Variants in THEMIS observed in about 807,000 individuals in gnomAD.
THEMIS encodes the protein thymocyte selection associated.
Under a neutral mutation model 52.6 loss-of-function variants are expected in THEMIS, and 37 were observed. The observed-to-expected ratio is 0.70, with a 90% CI of 0.54 to 0.93. THEMIS has a LOEUF of 0.93. Among genes scored for constraint, THEMIS ranks in the 40% least tolerant of loss-of-function variants. THEMIS has a pLI of 0.00. For missense variants in THEMIS, 808 were observed against 763.1 expected, an observed-to-expected ratio of 1.06 and a Z score of -0.69; for synonymous variants, 292 against 272.7, an observed-to-expected ratio of 1.07 and a Z score of -0.70.
At chr6:127,876,368 G>A (rs1780313605) in intron 1 of THEMIS, among the ~76,000 whole-genome samples, 1 of 152,184 alleles carries the variant, frequency 6.6e-6, no homozygotes, top group Admixed American at 6.5e-5. Flanking sequence ...ATTCATTGAT[G>A]CAGAAAAATA....
At chr6:127,820,048 T>A (rs1372987299) in intron 3 of THEMIS, among the ~76,000 whole-genome samples, 10 of 152,104 alleles carry the variant, frequency 6.6e-5, no homozygotes, top group Admixed American at 6.5e-4. Flanking sequence ...TCTTATAAGG[T>A]AACTGCAGTA....
chr6:127,798,652 C>T (rs1777413271), intron 4 of THEMIS, among the ~76,000 whole-genome samples: 1 of 152,086 alleles, frequency 6.6e-6, no homozygotes, highest in Admixed American at 6.6e-5. Flanking sequence ...TGTTAGTGAG[C>T]CCCCAATAAA....
intron 4 of THEMIS, among the ~76,000 whole-genome samples, chr6:127,774,007 G>A (rs1003414013): frequency 1.3e-5 from 2 of 152,176 alleles, no homozygotes; most frequent in Admixed American, 6.5e-5. Context: ...AACTGGGTCT[G>A]CTATATCCAA....
intron 2 of THEMIS, among the ~76,000 whole-genome samples, chr6:127,850,111 C>T (rs542801317): frequency 6.6e-6 from 1 of 151,886 alleles, no homozygotes; most frequent in Admixed American, 6.6e-5. Flanking sequence ...AGACTATACA[C>T]ATATGAACAA....
At chr6:127,733,750 TAAGAC>T (rs1368702524) in intron 4 of THEMIS, among the ~76,000 whole-genome samples, 13 of 152,018 alleles carry the variant, frequency 8.6e-5, no homozygotes, top group Admixed American at 8.5e-4. Context: ...CTCAGGAAAA[TAAGAC>T]AGAAGAACGT....
chr6:127,909,263 C>T (rs181266789), intron 1 of THEMIS, among the ~76,000 whole-genome samples: 60 of 152,106 alleles, frequency 3.9e-4, no homozygotes, highest in African/African-American at 1.3e-3. Context: ...GGAAGTTACT[C>T]GGTGATATGG....
At chr6:127,904,061 T>A (rs1003650673), upstream of THEMIS, among the ~76,000 whole-genome samples, 2 of 151,754 alleles carry the variant, frequency 1.3e-5, no homozygotes, top group Non-Finnish European at 2.9e-5. Context: ...CAAGAGAGAG[T>A]CTGAGAAGGC....
At chr6:127,899,863 C>A in intron 1 of THEMIS, among the ~76,000 whole-genome samples, 1 of 147,138 alleles carries the variant, frequency 6.8e-6, no homozygotes, top group Non-Finnish European at 1.5e-5. Context: ...TGATAACAGC[C>A]CATATCAATT....
downstream of THEMIS, among the ~76,000 whole-genome samples, chr6:127,706,729 G>T (rs968848885): frequency 4.6e-5 from 7 of 151,956 alleles, no homozygotes; most frequent in African/African-American, 1.7e-4. Context: ...TTTGAGATAG[G>T]GTGGCCAGAG....
intron 4 of THEMIS, among the ~76,000 whole-genome samples, chr6:127,727,042 T>C (rs1774572657): frequency 6.6e-6 from 1 of 152,222 alleles, no homozygotes; most frequent in Admixed American, 6.6e-5. Context: ...TGGACAATCA[T>C]GCAAAATAAT....
chr6:127,856,907 A>C (rs1237058533), intron 1 of THEMIS, among the ~76,000 whole-genome samples: 2 of 151,922 alleles, frequency 1.3e-5, no homozygotes, highest in Non-Finnish European at 2.9e-5. Context: ...ACATACTAAC[A>C]TTTTATATCT....
At chr6:127,815,412 T>A (rs563938563) in intron 3 of THEMIS, among the ~76,000 whole-genome samples, 26 of 152,260 alleles carry the variant, frequency 1.7e-4, no homozygotes, top group African/African-American at 6.3e-4. Context: ...TATTATTAAC[T>A]GTTTATGCAG....
At chr6:127,806,950 A>G (rs552311753) in intron 4 of THEMIS, among the ~76,000 whole-genome samples, 94 of 152,278 alleles carry the variant, frequency 6.2e-4, no homozygotes, top group African/African-American at 2.2e-3. Context: ...TCACTTCTTT[A>G]GTTGTCTGTT....
At chr6:127,751,757 C>T (rs192644600) in intron 4 of THEMIS, among the ~76,000 whole-genome samples, 70 of 151,728 alleles carry the variant, frequency 4.6e-4, no homozygotes, top group Admixed American at 2.2e-3. Context: ...TGTTAGGGGA[C>T]TCTAATACTG....
At chr6:127,827,071 C>T (rs1778533916) in intron 3 of THEMIS, among the ~76,000 whole-genome samples, 1 of 151,684 alleles carries the variant, frequency 6.6e-6, no homozygotes, top group Non-Finnish European at 1.5e-5. Context: ...CCCTGTAGTT[C>T]TCAGTATTTT....
chr6:127,818,155 A>T lies in THEMIS; in HGVS notation c.710-4224T>A, dbSNP rs542368198. Among the ~76,000 whole-genome samples the T allele has an allele frequency of 2.6e-5, 4 of 152,312 alleles. No individual in the cohort carries two copies. The East Asian group carries it at 7.7e-4, about 29-fold the overall frequency. ...TCCAACCTTCTCTGTACTTCTACAT[A>T]AAGGAAAGGGAACACCCAACTCAAG... is the stretch of plus-strand genomic sequence containing the variant. On this transcript the variant is annotated intron_variant, in intron 3 of 5. Transcript: ENST00000368248.
At chr6:127,839,544 C>T (rs573767816) in intron 2 of THEMIS, among the ~76,000 whole-genome samples, 29 of 151,930 alleles carry the variant, frequency 1.9e-4, no homozygotes, top group African/African-American at 7.0e-4. Context: ...TTGCTTTCAC[C>T]CAGGCTGGAG....
At chr6:127,906,449 T>A (rs545320016) in intron 1 of THEMIS, among the ~76,000 whole-genome samples, 1 of 152,120 alleles carries the variant, frequency 6.6e-6, no homozygotes, top group East Asian at 1.9e-4. Context: ...ATACTGTTAA[T>A]GGTGCAATGT....
intron 4 of THEMIS, among the ~76,000 whole-genome samples, chr6:127,729,826 C>A (rs576395161): frequency 2.0e-5 from 3 of 152,236 alleles, no homozygotes; most frequent in African/African-American, 7.2e-5. Flanking sequence ...AAATGAAATG[C>A]CACAAAGGTA....
Sources: allele counts gnomAD v4.1 joint callset (sites outside exome capture counted in the v4.1 genomes callset), GRCh38; gene constraint gnomAD v4.1.1; transcripts MANE v1.5; gene names NCBI Gene and HGNC (gene_info 2026-07-23, HGNC 2026-07-21).